The following ITPK1 variants were observed in gnomAD, a reference collection of about 807,000 sequenced individuals.
ITPK1 encodes inositol-tetrakisphosphate 1-kinase, also known as inositol 1,3,4-trisphosphate 5/6-kinase.
Under a neutral mutation model 45.3 loss-of-function variants are expected in ITPK1, and 21 were observed. The ratio of observed to expected loss-of-function variants is 0.46; its 90% CI spans 0.33 to 0.67. ITPK1 has a LOEUF of 0.67. ITPK1 is among the 30% of genes least tolerant of loss of function. The pLI is 0.02. For missense variants in ITPK1, 474 were observed against 573.5 expected, an observed-to-expected ratio of 0.83 and a Z score of 1.77; for synonymous variants, 258 against 253.6, an observed-to-expected ratio of 1.02 and a Z score of -0.16.
intron 2 of ITPK1, among the ~76,000 whole-genome samples, chr14:93,080,620 AGTGTTAACT>A (rs1174805834): frequency 6.6e-6 from 1 of 152,204 alleles, no homozygotes; most frequent in East Asian, 1.9e-4. Context: ...CGTGTGCTGC[AGTGTTAACT>A]GTGGCCACGG....
intron 2 of ITPK1, among the ~76,000 whole-genome samples, chr14:93,102,806 AAGAC>A (rs1480965844): frequency 2.0e-5 from 3 of 152,126 alleles, no homozygotes; most frequent in Non-Finnish European, 4.4e-5. Context: ...AACGGCAAAA[AAGAC>A]AGAAACAAGT....
intron 2 of ITPK1, among the ~76,000 whole-genome samples, chr14:93,112,632 G>A (rs1892797774): frequency 6.6e-6 from 1 of 152,042 alleles, no homozygotes; most frequent in East Asian, 1.9e-4. Context: ...TAGAGATGGG[G>A]TTTCACCATG....
intron 5 of ITPK1, among the ~76,000 whole-genome samples, chr14:92,974,997 C>A (rs375099504): frequency 6.6e-5 from 10 of 152,202 alleles, no homozygotes; most frequent in African/African-American, 2.4e-4. Context: ...TCCCTTGGAC[C>A]CACCATGAGG....
At chr14:93,111,276 T>C (rs1056964467) in intron 2 of ITPK1, among the ~76,000 whole-genome samples, 1 of 152,088 alleles carries the variant, frequency 6.6e-6, no homozygotes, top group South Asian at 2.1e-4. Context: ...ACAGAAAACA[T>C]GAGCTGAGGA....
At chr14:93,030,431 T>TTTCA (rs200957653) in intron 3 of ITPK1, among the ~76,000 whole-genome samples, 226 of 152,298 alleles carry the variant, frequency 1.5e-3, no homozygotes, top group Middle Eastern at 0.01. Flanking sequence ...CTTTTCTTTC[T>TTTCA]TTCATTCATT....
Position 92,958,686 on chromosome 14 carries a change from G to A in ITPK1, c.505-320C>T, listed in dbSNP as rs200339661. Among the ~76,000 whole-genome samples, 13 of 152,320 alleles carry A rather than the reference G, an allele frequency of 8.5e-5. No individual in the cohort carries two copies. In the East Asian group the frequency reaches 9.6e-4, roughly 11 times the overall value. On this transcript the variant is annotated intron_variant, in intron 7 of 10. Coordinates refer to ENST00000267615, the MANE Select transcript of ITPK1 (RefSeq NM_014216.6). This position sits in a 1 kb window ranked among gnomAD's most constrained non-coding sequence, Gnocchi z 4.4. ...GCACTGTGGTCCAGGGAAGGGGGCC[G>A]CTGAGGTTGTGTGCTGCTCAACCCT...
At chr14:92,991,562 A>C (rs1239831684) in intron 5 of ITPK1, among the ~76,000 whole-genome samples, 2 of 152,108 alleles carry the variant, frequency 1.3e-5, no homozygotes, top group East Asian at 3.9e-4. Context: ...CTAATCTCCC[A>C]GTGAACTAGG....
chr14:92,962,668 G>C (rs565196084), intron 6 of ITPK1, 83 bp downstream of exon 6: 2 of 1,044,378 alleles, frequency 1.9e-6, no homozygotes, highest in Non-Finnish European at 3.0e-6. Context: ...TAAATCCAGA[G>C]GGCACTATAA....
intron 5 of ITPK1, among the ~76,000 whole-genome samples, chr14:92,982,428 G>A (rs772758919): frequency 6.6e-6 from 1 of 152,138 alleles, no homozygotes; most frequent in Non-Finnish European, 1.5e-5. Flanking sequence ...GCAAGTAGAG[G>A]GGCACCGTGA....
intron 4 of ITPK1, among the ~76,000 whole-genome samples, chr14:93,002,586 C>T (rs4905029): frequency 0.23 from 35,071 of 152,050 alleles, 4,384 homozygotes; most frequent in East Asian, 0.31. Flanking sequence ...TGTTCACTAC[C>T]CCAAGGCGAG....
intron 3 of ITPK1, among the ~76,000 whole-genome samples, chr14:93,054,545 C>T (rs1890144759): frequency 6.6e-6 from 1 of 152,202 alleles, no homozygotes; most frequent in Non-Finnish European, 1.5e-5. Context: ...TCTAACTAGA[C>T]ACTGGGCCAG....
intron 4 of ITPK1, among the ~76,000 whole-genome samples, chr14:93,001,071 A>C (rs768107465): frequency 6.6e-6 from 1 of 150,738 alleles, no homozygotes; most frequent in Non-Finnish European, 1.5e-5. Context: ...CAAGGTCAGG[A>C]GTTCAAAACC....
intron 3 of ITPK1, among the ~76,000 whole-genome samples, chr14:93,064,657 G>C (rs1890673580): frequency 6.6e-6 from 1 of 152,160 alleles, no homozygotes; most frequent in South Asian, 2.1e-4. Context: ...TATACTCTAA[G>C]GCCATTGCAT....
intron 3 of ITPK1, among the ~76,000 whole-genome samples, chr14:93,046,595 G>C (rs188729722): frequency 0.012 from 1,664 of 137,846 alleles, 17 homozygotes; most frequent in South Asian, 0.02. Flanking sequence ...AGCCGGGGGC[G>C]GGGGGGGGCG....
At chr14:93,045,995 G>A (rs1194307094) in intron 3 of ITPK1, among the ~76,000 whole-genome samples, 5 of 152,156 alleles carry the variant, frequency 3.3e-5, no homozygotes, top group African/African-American at 4.8e-5. Flanking sequence ...CTGGCGGGAC[G>A]GGTCCACCAG....
chr14:92,964,963 A>G (rs1395535337), intron 5 of ITPK1, among the ~76,000 whole-genome samples: 2 of 152,252 alleles, frequency 1.3e-5, no homozygotes, highest in African/African-American at 4.8e-5. Flanking sequence ...CCCCACAAGG[A>G]AGCACTCCTG....
chr14:93,098,838 GA>G (rs773785130), intron 2 of ITPK1, among the ~76,000 whole-genome samples: 1 of 152,264 alleles, frequency 6.6e-6, no homozygotes, highest in East Asian at 1.9e-4. Context: ...AGCCGCCTCT[GA>G]AAATTCTGGA....
intron 4 of ITPK1, among the ~76,000 whole-genome samples, chr14:93,005,297 T>A (rs1887556649): frequency 6.6e-6 from 1 of 152,168 alleles, no homozygotes; most frequent in African/African-American, 2.4e-5. Flanking sequence ...AAAACTCTGA[T>A]GCAATCTGCC....
At chr14:93,095,500 C>G (rs890161506) in intron 2 of ITPK1, among the ~76,000 whole-genome samples, 1 of 137,940 alleles carries the variant, frequency 7.2e-6, no homozygotes, top group Non-Finnish European at 1.5e-5. Flanking sequence ...AGTAATGAAG[C>G]CGCTCCAGGA....
Sources: gnomAD v4.1 joint callset for allele counts (sites outside exome capture counted in the v4.1 genomes callset) on GRCh38, gnomAD v4.1.1 for gene constraint, Gnocchi (gnomAD v3.1) non-coding constraint, MANE v1.5 for transcripts, NCBI Gene and HGNC (gene_info 2026-07-23, HGNC 2026-07-21) for gene names.